The following ULK4 variants were observed in gnomAD, a reference collection of about 807,000 sequenced individuals.
ULK4 encodes the protein unc-51 like kinase 4, also known as inactive serine/threonine-protein kinase ULK4.
ULK4 carries 133 observed loss-of-function variants against 160.6 expected under a neutral mutation model. The ratio of observed to expected loss-of-function variants is 0.83; its 90% CI spans 0.72 to 0.96. The LOEUF is 0.96. Ranked by LOEUF, ULK4 falls within the 40% of genes least tolerant of loss-of-function variation. The pLI is 0.00. For synonymous variants in ULK4, 534 were observed against 539.8 expected (o/e 0.99, Z 0.15); for missense variants, 1,580 against 1,499.5 (o/e 1.05, Z -0.89).
chr3:41,881,420 T>C (rs767009712), intron 17 of ULK4, among the ~76,000 whole-genome samples: 2 of 152,154 alleles, frequency 1.3e-5, no homozygotes, highest in Non-Finnish European at 2.9e-5. Context: ...TTTCTGGTGC[T>C]TGAATGACCT....
At chr3:41,328,747 A>T (rs1341728428) in intron 35 of ULK4, among the ~76,000 whole-genome samples, 1 of 152,068 alleles carries the variant, frequency 6.6e-6, no homozygotes, top group Non-Finnish European at 1.5e-5. Flanking sequence ...CCCCAGGCAG[A>T]AGTAAGGGTG....
At chr3:41,815,440 C>A (rs1249058611) in intron 19 of ULK4, among the ~76,000 whole-genome samples, 2 of 151,986 alleles carry the variant, frequency 1.3e-5, no homozygotes, top group Non-Finnish European at 2.9e-5. Flanking sequence ...ATTGACAATA[C>A]TTTATTAACA....
intron 30 of ULK4, among the ~76,000 whole-genome samples, chr3:41,643,860 T>C (rs564469247): frequency 1.3e-5 from 2 of 152,182 alleles, no homozygotes; most frequent in African/African-American, 4.8e-5. Context: ...TATCCTCTTT[T>C]ATTTCATTGA....
intron 32 of ULK4, among the ~76,000 whole-genome samples, chr3:41,527,560 C>T (rs1417257771): frequency 2.0e-5 from 3 of 152,174 alleles, no homozygotes; most frequent in African/African-American, 7.2e-5. Context: ...CCAGGATTTT[C>T]GAAGTGTGGA....
chr3:41,623,652 G>A (rs1482105469), intron 30 of ULK4, among the ~76,000 whole-genome samples: 1 of 152,082 alleles, frequency 6.6e-6, no homozygotes, highest in African/African-American at 2.4e-5. Context: ...CTCTAAAAAA[G>A]TCAAACTCAA....
Position 41,717,821 on chromosome 3 carries a change from G to C in ULK4, c.2362C>G (p.Pro788Ala), listed in dbSNP as rs147474793. The C allele has an allele frequency of 2.3e-5, 37 of 1,614,090 alleles. No homozygotes were observed. The East Asian group carries it at 5.3e-4, about 23-fold the overall frequency. Residue 788 changes from proline (P) to alanine (A), a missense_variant, in exon 23 of 37, where the codon CCA becomes GCA. By Grantham distance (27) the Pro-to-Ala change is conservative. Transcript: ENST00000301831. ...TTGCCACTTTGCTGCTCCTTGCCTG[G>C]AGTGGTCTTTCTGCTGTCTCTCTCG... ...YIERDSRKTT[P>A]GKEQQSGNEY...
rs201424516 is a variant in ULK4 at position 41,961,550 on chromosome 3, A to ACCCCCCCCCCCCCCCCCCC, written c.-49+447_-49+465dup. ...ACTCAGGGGCGCTACGTAGTCACTC[A>ACCCCCCCCCCCCCCCCCCC]CCCCCCCCCCCCCCCCCCCCGCTCC... On this transcript the variant is annotated intron_variant, in intron 1 of 36. Coordinates refer to ENST00000301831, the MANE Select transcript of ULK4 (RefSeq NM_017886.4). 1.4e-4 allele frequency among the ~76,000 whole-genome samples: 17 copies of ACCCCCCCCCCCCCCCCCCC among 124,700 alleles called. 2 individuals are homozygous for ACCCCCCCCCCCCCCCCCCC. Among genetic ancestry groups the ACCCCCCCCCCCCCCCCCCC allele is most frequent in the African/African-American group, 4.7e-4 (11 of 23,480 alleles). The allele number at this position is 124,700 out of a possible 152,430, so 81.8% of individuals were successfully genotyped here.
intron 30 of ULK4, among the ~76,000 whole-genome samples, chr3:41,623,738 G>T (rs1459374408): frequency 1.3e-5 from 2 of 152,142 alleles, no homozygotes; most frequent in Non-Finnish European, 2.9e-5. Flanking sequence ...AAATCAAAGG[G>T]TATAAAGTTA....
Position 41,895,509 on chromosome 3 carries a change from GTTAC to G in ULK4, c.1577+5_1577+8del, listed in dbSNP as rs770689906. The G allele has an allele frequency of 2.8e-6, 4 of 1,430,960 alleles. No homozygotes were observed. The highest frequency in any genetic ancestry group is 3.7e-6 in the Non-Finnish European group (4 of 1,068,376). 88.6% of individuals were successfully genotyped at this position (1,430,960 alleles called of 1,614,324 possible). The stretch of plus-strand genomic sequence containing the variant: ...GAAAAATAATTTTTAAAATATAAAC[GTTAC>G]TTACATATCCCAGTTTGGAGCTATC... On this transcript the variant is annotated splice_donor_5th_base_variant and intron_variant, in intron 16 of 36. Transcript: ENST00000301831.
At chr3:41,306,626 A>AG (rs1343456413) in intron 35 of ULK4, among the ~76,000 whole-genome samples, 1 of 151,354 alleles carries the variant, frequency 6.6e-6, no homozygotes, top group Non-Finnish European at 1.5e-5. Flanking sequence ...CTGCCCGGCC[A>AG]CCACCCCGTC....
chr3:41,743,560 A>G (rs574874556), intron 22 of ULK4, among the ~76,000 whole-genome samples: 2 of 152,150 alleles, frequency 1.3e-5, no homozygotes, highest in Non-Finnish European at 1.5e-5. Context: ...GCAACAGTCT[A>G]ATTTACTTCT....
chr3:41,491,630 C>T (rs1575301889), intron 32 of ULK4, among the ~76,000 whole-genome samples: 2 of 152,082 alleles, frequency 1.3e-5, no homozygotes, highest in Non-Finnish European at 2.9e-5. Context: ...ACGGTACATT[C>T]CAGGTGGCCC....
At chr3:41,290,840 A>C (rs896720561) in intron 35 of ULK4, among the ~76,000 whole-genome samples, 1 of 152,198 alleles carries the variant, frequency 6.6e-6, no homozygotes, top group African/African-American at 2.4e-5. Context: ...CCTGAAAACT[A>C]TAATTCCCTG....
chr3:41,800,702 GA>G (rs1174785248), intron 19 of ULK4, among the ~76,000 whole-genome samples: 10 of 152,152 alleles, frequency 6.6e-5, no homozygotes, highest in African/African-American at 2.2e-4. Context: ...TCAGTCCTAG[GA>G]ATAATCTGAG....
At chr3:41,862,820 T>C (rs2042535636) in intron 17 of ULK4, among the ~76,000 whole-genome samples, 1 of 144,096 alleles carries the variant, frequency 6.9e-6, no homozygotes, top group Non-Finnish European at 1.5e-5. Context: ...TCTCTCCCTC[T>C]TTCTCTGTTC....
chr3:41,524,794 C>T (rs1171314553), intron 32 of ULK4, among the ~76,000 whole-genome samples: 3 of 151,938 alleles, frequency 2.0e-5, no homozygotes, highest in South Asian at 2.1e-4. Flanking sequence ...AAAAATTAGC[C>T]GGGTGTGGTG....
At position 41,919,716 on chromosome 3, in the gene ULK4, C is replaced by T; in HGVS notation, c.643+1G>A. The T allele has an allele frequency of 6.2e-7, 1 of 1,613,204 alleles. No individual in the cohort carries two copies. The highest frequency in any genetic ancestry group is 1.1e-5 in the South Asian group (1 of 91,040). On this transcript the variant is annotated splice_donor_variant, in intron 6 of 36. Coordinates refer to ENST00000301831, the MANE Select transcript of ULK4 (RefSeq NM_017886.4). LOFTEE classifies it high-confidence loss of function. ...TTTATACCTATTCAGGAAACAATTA[C>T]CTGAAAACATTTCATAAAGCAGACA...
intron 35 of ULK4, among the ~76,000 whole-genome samples, chr3:41,353,858 AC>A (rs1385944447): frequency 6.6e-6 from 1 of 151,992 alleles, no homozygotes; most frequent in African/African-American, 2.4e-5. Context: ...CAGATGCCTC[AC>A]CATCCCTTCC....
rs1360007765 is a variant in ULK4, at chr3:41,776,458, AC to A, written c.2193+13202del. On this transcript the variant is annotated intron_variant, in intron 21 of 36. Coordinates refer to ENST00000301831, the MANE Select transcript of ULK4 (RefSeq NM_017886.4). ...AAAAAAATCTAACACTCAAATGTCA[AC>A]AAAAAAACTAATTGAATAAAAATGT... Among the ~76,000 whole-genome samples, 16 of 150,910 alleles carry A rather than the reference AC, an allele frequency of 1.1e-4. 1 individual carries two copies. The highest frequency in any genetic ancestry group is 3.7e-4 in the African/African-American group (15 of 40,218).
Sources: gnomAD v4.1 joint callset for allele counts (sites outside exome capture counted in the v4.1 genomes callset) on GRCh38, gnomAD v4.1.1 for gene constraint, MANE v1.5 for transcripts, NCBI Gene and HGNC (gene_info 2026-07-23, HGNC 2026-07-21) for gene names.